The following ZBBX variants were observed in gnomAD, a reference collection of about 807,000 sequenced individuals.
ZBBX encodes the protein zinc finger B-box domain-containing protein 1.
ZBBX carries 101 observed loss-of-function variants against 108.5 expected under a neutral mutation model. That is an observed-to-expected ratio of 0.93 (90% CI 0.79 to 1.10). The LOEUF (loss-of-function observed/expected upper bound fraction) is 1.10, where lower values mean the gene tolerates loss of function less well. ZBBX is among the 50% of genes least tolerant of loss of function. ZBBX has a pLI of 0.00. For synonymous variants in ZBBX, 356 were observed against 323.4 expected (o/e 1.10, Z -1.08); for missense variants, 1,009 against 941.4 (o/e 1.07, Z -0.94).
Position 167,402,787 on chromosome 3 carries a change from A to C in ZBBX, c.-446+4939T>G, listed in dbSNP as rs978084495. Among the ~76,000 whole-genome samples the C allele has an allele frequency of 8.1e-3, 443 of 54,952 alleles. 2 individuals carry two copies. The highest frequency in any genetic ancestry group is 0.023 in the African/African-American group (409 of 17,956). The allele number at this position is 54,952 out of a possible 152,430, so 36.1% of individuals were successfully genotyped here. On this transcript the variant is annotated intron_variant, in intron 1 of 21. Transcript: ENST00000455345. ...ATATATCTGTAAACTACAATATGTAAAAAAAAAAAATAGATGAACTATACA... is the reference window on the plus strand; with the variant it reads ...ATATATCTGTAAACTACAATATGTACAAAAAAAAAATAGATGAACTATACA...
chr3:167,213,329 G>T, the ZBBX span, among the ~76,000 whole-genome samples: 1 of 152,174 alleles, frequency 6.6e-6, no homozygotes, highest in Non-Finnish European at 1.5e-5. Flanking sequence ...GGAGGAAATA[G>T]CCTGTAGAAA....
intron 12 of ZBBX, among the ~76,000 whole-genome samples, chr3:167,317,803 CAGA>C (rs1298316932): frequency 6.6e-6 from 1 of 151,910 alleles, no homozygotes; most frequent in Non-Finnish European, 1.5e-5. Flanking sequence ...CTTGACATCA[CAGA>C]AGATTTTTAA....
At chr3:167,272,783 G>A (rs1726762246) in intron 20 of ZBBX, among the ~76,000 whole-genome samples, 1 of 152,152 alleles carries the variant, frequency 6.6e-6, no homozygotes, top group Non-Finnish European at 1.5e-5. Context: ...CAAGACTCTT[G>A]TTCCTTAACA....
intron 11 of ZBBX, among the ~76,000 whole-genome samples, chr3:167,324,004 C>T (rs558804906): frequency 2.0e-5 from 3 of 152,158 alleles, no homozygotes; most frequent in Non-Finnish European, 2.9e-5. Flanking sequence ...TTAAAGCATA[C>T]TATTAAGCTG....
chr3:167,190,162 A>G, the ZBBX span, among the ~76,000 whole-genome samples: 1 of 152,060 alleles, frequency 6.6e-6, no homozygotes, highest in South Asian at 2.1e-4. Flanking sequence ...TTTGGACATT[A>G]TATGCATAAT....
At chr3:167,216,283 A>G in the ZBBX span, among the ~76,000 whole-genome samples, 2 of 152,176 alleles carry the variant, frequency 1.3e-5, no homozygotes, top group African/African-American at 4.8e-5. Flanking sequence ...GCTAAGTTGC[A>G]AAATACAAAA....
intron 1 of ZBBX, among the ~76,000 whole-genome samples, chr3:167,389,684 G>A (rs143981616): frequency 0.036 from 5,466 of 152,230 alleles, 342 homozygotes; most frequent in African/African-American, 0.13. Context: ...ACTGGTGAGA[G>A]ATGGTATCTC....
At chr3:167,319,781 T>C (rs772858441) in intron 12 of ZBBX, among the ~76,000 whole-genome samples, 2 of 152,038 alleles carry the variant, frequency 1.3e-5, no homozygotes, top group Admixed American at 6.6e-5. Flanking sequence ...TATGTATACA[T>C]ACATATATAT....
At chr3:167,244,480 C>T (rs919784085) in intron 20 of ZBBX, among the ~76,000 whole-genome samples, 2 of 152,128 alleles carry the variant, frequency 1.3e-5, no homozygotes, top group East Asian at 1.9e-4. Context: ...AAAGCTGTTC[C>T]GAGTTGTGCA....
chr3:167,229,244 C>T, the ZBBX span, among the ~76,000 whole-genome samples: 1 of 151,782 alleles, frequency 6.6e-6, no homozygotes, highest in South Asian at 2.1e-4. Context: ...ATTCCCCACC[C>T]ATCTCTCCCA....
Position 167,282,371 on chromosome 3 carries a change from T to C in ZBBX, c.2121A>G (p.Arg707=). ...CAATTTCTGAAATTTCAGAAGCAGC[T>C]CTAGATGATGATTGAGCAGCTGCAC... The part of the protein sequence containing the change: ...SRSAAAQSSS[R]AASEISEIEY... Residue 707 remains arginine (R), a synonymous_variant, in exon 20 of 22, where the codon AGA becomes AGG. Transcript: ENST00000675490. 1 of 1,614,096 alleles carries C rather than the reference T, an allele frequency of 6.2e-7. No homozygotes were observed. Among genetic ancestry groups the C allele is most frequent in the Non-Finnish European group, 8.5e-7 (1 of 1,180,000 alleles).
chr3:167,363,660 T>G (rs1744892037), intron 6 of ZBBX, among the ~76,000 whole-genome samples: 1 of 152,038 alleles, frequency 6.6e-6, no homozygotes, highest in African/African-American at 2.4e-5. Context: ...TTCTACAAAC[T>G]GGCCCACATC....
chr3:167,208,300 G>A, the ZBBX span, among the ~76,000 whole-genome samples: 1 of 152,224 alleles, frequency 6.6e-6, no homozygotes, highest in Non-Finnish European at 1.5e-5. Context: ...AGTGGACTTG[G>A]GGGCATGTGA....
chr3:167,371,383 C>T (rs1746134183), intron 4 of ZBBX, among the ~76,000 whole-genome samples: 1 of 152,176 alleles, frequency 6.6e-6, no homozygotes, highest in Admixed American at 6.5e-5. Flanking sequence ...CTGCATCTCT[C>T]ACTCAGAACT....
the ZBBX span, among the ~76,000 whole-genome samples, chr3:167,220,173 C>T: frequency 6.6e-6 from 1 of 151,830 alleles, no homozygotes; most frequent in Non-Finnish European, 1.5e-5. Flanking sequence ...AGAATGAATA[C>T]CAATTCTGCT....
intron 18 of ZBBX, among the ~76,000 whole-genome samples, chr3:167,290,749 C>G (rs892047396): frequency 6.6e-6 from 1 of 152,092 alleles, no homozygotes; most frequent in Non-Finnish European, 1.5e-5. Flanking sequence ...TGGGTAATAA[C>G]AAACTCCTCT....
At chr3:167,283,654 G>C (rs1393050705) in intron 19 of ZBBX, among the ~76,000 whole-genome samples, 1 of 152,080 alleles carries the variant, frequency 6.6e-6, no homozygotes, top group African/African-American at 2.4e-5. Context: ...GGGGTTTTGG[G>C]AGTTTTTTTG....
At chr3:167,348,689 G>A (rs4378960) in intron 9 of ZBBX, among the ~76,000 whole-genome samples, 125,465 of 151,920 alleles carry the variant, frequency 0.83, 51,930 homozygotes, top group East Asian at 0.93. Context: ...TACATGTTCT[G>A]TGCAAAAGAA....
intron 10 of ZBBX, among the ~76,000 whole-genome samples, chr3:167,331,138 T>G (rs1220382149): frequency 6.6e-6 from 1 of 151,474 alleles, no homozygotes; most frequent in Non-Finnish European, 1.5e-5. Flanking sequence ...TTTCTCTTGT[T>G]TAAACCGCTC....
Sources: gnomAD v4.1 joint callset for allele counts (sites outside exome capture counted in the v4.1 genomes callset) on GRCh38, gnomAD v4.1.1 for gene constraint, MANE v1.5 for transcripts, NCBI Gene and HGNC (gene_info 2026-07-23, HGNC 2026-07-21) for gene names.